Variants in ABCG1 observed in about 807,000 individuals in gnomAD.
ABCG1 encodes ATP-binding cassette sub-family G member 1.
In ABCG1, 29 loss-of-function variants were observed where a neutral mutation model predicts 69.2. The ratio of observed to expected loss-of-function variants is 0.42; its 90% confidence interval spans 0.31 to 0.57. The LOEUF (loss-of-function observed/expected upper bound fraction) is 0.57. Ranked by LOEUF, ABCG1 falls within the 20% of genes least tolerant of loss-of-function variation. The pLI is 0.15. For missense variants in ABCG1, 718 were observed against 898.1 expected, an observed-to-expected ratio of 0.80 and a Z score of 2.56; for synonymous variants, 370 against 374.8, an observed-to-expected ratio of 0.99 and a Z score of 0.15.
At chr21:42,265,523 G>A (rs1401421289) in intron 2 of ABCG1, among the ~76,000 whole-genome samples, 1 of 152,196 alleles carries the variant, frequency 6.6e-6, no homozygotes, top group Non-Finnish European at 1.5e-5. Flanking sequence ...AAGGGAGGCA[G>A]CCACGAGTCA....
intron 4 of ABCG1, among the ~76,000 whole-genome samples, chr21:42,275,081 G>C (rs1469851316): frequency 6.6e-6 from 1 of 152,174 alleles, no homozygotes; most frequent in Non-Finnish European, 1.5e-5. Flanking sequence ...CACCTGGAGA[G>C]ACCCTGACTT....
At chr21:42,229,172 T>C (rs1187985645) in intron 2 of ABCG1, among the ~76,000 whole-genome samples, 1 of 152,210 alleles carries the variant, frequency 6.6e-6, no homozygotes, top group Non-Finnish European at 1.5e-5. Flanking sequence ...ACTCTGCATT[T>C]CTCTCTTCTC....
chr21:42,294,655 T>A lies in ABCG1; in HGVS notation c.1767T>A (p.Tyr589Ter). ...TACAGTGGATGTCCTACATCTCCTA[T>A]GTCAGGTAGCGGGCGTGGGGCACGC... Reference protein sequence around the residue: ...TYLQWMSYISYVRYGFEGVIL... With the variant: ...TYLQWMSYIS The change falls in exon 14 of 15, where the codon TAT becomes TAA. Residue 589 changes from tyrosine (Y) to a stop codon, truncating the protein, a stop_gained. Transcript: ENST00000398449. LOFTEE classifies it high-confidence loss of function. The A allele has an allele frequency of 6.2e-7, 1 of 1,613,458 alleles. No homozygotes were observed. The highest frequency in any genetic ancestry group is 8.5e-7 in the Non-Finnish European group (1 of 1,179,442).
chr21:42,264,274 T>A (rs1359193823), intron 2 of ABCG1, among the ~76,000 whole-genome samples: 1 of 152,250 alleles, frequency 6.6e-6, no homozygotes, highest in Non-Finnish European at 1.5e-5. Flanking sequence ...TGGCTCATTC[T>A]GAAGGAGGGG....
intron 2 of ABCG1, chr21:42,201,797 C>T: frequency 6.2e-7 from 1 of 1,608,242 alleles, no homozygotes; most frequent in Non-Finnish European, 8.5e-7. Flanking sequence ...TCAACTCGTT[C>T]CGTGGGCCTG....
At chr21:42,238,546 C>G (rs1355769013) in intron 2 of ABCG1, among the ~76,000 whole-genome samples, 1 of 152,190 alleles carries the variant, frequency 6.6e-6, no homozygotes, top group Non-Finnish European at 1.5e-5. Context: ...TGAGAGATCT[C>G]TCAAGTACTT....
intron 2 of ABCG1, among the ~76,000 whole-genome samples, chr21:42,236,604 C>T (rs1305967781): frequency 6.6e-6 from 1 of 152,180 alleles, no homozygotes; most frequent in Non-Finnish European, 1.5e-5. Flanking sequence ...CTTGCTTTTC[C>T]TTGCACTCTT....
At chr21:42,252,443 T>C (rs1173750889) in intron 2 of ABCG1, among the ~76,000 whole-genome samples, 1 of 152,058 alleles carries the variant, frequency 6.6e-6, no homozygotes, top group Non-Finnish European at 1.5e-5. Context: ...TGCGAGCCAG[T>C]GTGTGGGGCT....
At position 42,219,887 on chromosome 21, in the gene ABCG1, C is replaced by G; in HGVS notation, c.42+583C>G. ...ACTCGGGGAGGCGGCGGCGAAGGCC[C>G]GGGGAGACCCGCGAGGGGCAAGCCC... On this transcript the variant is annotated intron_variant, in intron 1 of 14. Transcript: ENST00000398449. This position sits in a 1 kb window ranked among gnomAD's most constrained non-coding sequence, Gnocchi z 5.3. 6.5e-7 allele frequency: 1 copy of G among 1,544,418 alleles called. No individual in the cohort carries two copies. The highest frequency in any genetic ancestry group is 1.2e-5 in the South Asian group (1 of 83,762).
chr21:42,223,546 G>A (rs892081446), intron 1 of ABCG1, among the ~76,000 whole-genome samples: 1 of 152,102 alleles, frequency 6.6e-6, no homozygotes, highest in Non-Finnish European at 1.5e-5. Flanking sequence ...AAGAAGCACA[G>A]CTGAGCTTCT....
chr21:42,228,755 G>T (rs761425553), intron 2 of ABCG1, among the ~76,000 whole-genome samples: 1 of 152,170 alleles, frequency 6.6e-6, no homozygotes, highest in Non-Finnish European at 1.5e-5. Flanking sequence ...TGGTGGTTCA[G>T]TTGCCACTGC....
chr21:42,283,597 C>G (rs535382280), intron 6 of ABCG1, among the ~76,000 whole-genome samples: 5 of 152,318 alleles, frequency 3.3e-5, no homozygotes, highest in African/African-American at 1.2e-4. Context: ...GGGGTGGTGA[C>G]TGCGGGGCAC....
chr21:42,253,571 G>C (rs1017647410), intron 2 of ABCG1, among the ~76,000 whole-genome samples: 1 of 152,132 alleles, frequency 6.6e-6, no homozygotes, highest in Admixed American at 6.5e-5. Flanking sequence ...TAGAGAGCGA[G>C]GGTCTTGGAA....
intron 2 of ABCG1, among the ~76,000 whole-genome samples, chr21:42,267,657 C>G (rs1435247931): frequency 6.6e-4 from 82 of 125,132 alleles, no homozygotes; most frequent in East Asian, 2.1e-3. Flanking sequence ...CTGTCTGGGT[C>G]TGGTCTGAGT....
chr21:42,263,658 C>G (rs1257673070), intron 2 of ABCG1, among the ~76,000 whole-genome samples: 1 of 152,180 alleles, frequency 6.6e-6, no homozygotes, highest in African/African-American at 2.4e-5. Flanking sequence ...TCTGTCTCGC[C>G]CACTTGGGGA....
Position 42,287,832 on chromosome 21 carries a change from G to C in ABCG1, c.974-57G>C. On this transcript the variant is annotated intron_variant, in intron 8 of 14. Coordinates refer to ENST00000398449, the MANE Select transcript of ABCG1 (RefSeq NM_016818.3). The surrounding 1 kb of genome is among the most constrained non-coding windows in gnomAD (Gnocchi z 6.2). Reference sequence around the variant, plus strand: ...ACTTGAATAACGACTTTCGCATTTGGGTGGTTGGGGTGTCCTTCCTGGAGC... The same window carrying C: ...ACTTGAATAACGACTTTCGCATTTGCGTGGTTGGGGTGTCCTTCCTGGAGC... The C allele has an allele frequency of 6.7e-7, 1 of 1,492,344 alleles. No homozygotes were observed. The highest frequency in any genetic ancestry group is 2.3e-5 in the East Asian group (1 of 43,298). The allele number at this position is 1,492,344 out of a possible 1,614,324, so 92.4% of individuals were successfully genotyped here. A position where few individuals can be genotyped will look rare whatever the true frequency, so the allele number is the denominator to read the frequency against.
At chr21:42,293,002 A>G (rs544697513) in intron 13 of ABCG1, among the ~76,000 whole-genome samples, 8 of 144,116 alleles carry the variant, frequency 5.6e-5, no homozygotes, top group African/African-American at 7.8e-5. Flanking sequence ...TACACAGTAC[A>G]CACCACACAC....
chr21:42,235,553 A>C (rs1169264279), intron 2 of ABCG1, among the ~76,000 whole-genome samples: 1 of 152,194 alleles, frequency 6.6e-6, no homozygotes, highest in African/African-American at 2.4e-5. Flanking sequence ...ATCAATATTT[A>C]AGATGTACAT....
chr21:42,225,617 C>T, intron 1 of ABCG1, 54 bp from the exon 2 acceptor site: 1 of 1,591,386 alleles, frequency 6.3e-7, no homozygotes, highest in South Asian at 1.1e-5. Context: ...TCTTCATGTT[C>T]TTTTTCTTGA....
Sources: gnomAD v4.1 joint callset for allele counts (sites outside exome capture counted in the v4.1 genomes callset) on GRCh38, gnomAD v4.1.1 for gene constraint, Gnocchi (gnomAD v3.1) non-coding constraint, MANE v1.5 for transcripts, NCBI Gene and HGNC (gene_info 2026-07-23, HGNC 2026-07-21) for gene names.